Variants in DDX50 observed in about 807,000 individuals in gnomAD.
DDX50 encodes ATP-dependent RNA helicase DDX50.
DDX50 carries 56 observed loss-of-function variants against 94.8 expected under a neutral mutation model. That is an observed-to-expected ratio of 0.59 (90% CI 0.48 to 0.74). The LOEUF is 0.74. Among genes scored for constraint, DDX50 ranks in the 30% least tolerant of loss-of-function variants. DDX50 has a pLI of 0.00. For synonymous variants in DDX50, 264 were observed against 295.4 expected, an observed-to-expected ratio of 0.89 and a Z score of 1.09; for missense variants, 713 against 881.2, an observed-to-expected ratio of 0.81 and a Z score of 2.42.
intron 4 of DDX50, among the ~76,000 whole-genome samples, chr10:68,912,919 AAG>A (rs2132028419): frequency 6.6e-6 from 1 of 152,304 alleles, no homozygotes; most frequent in African/African-American, 2.4e-5. Context: ...AGAAATGATA[AAG>A]AGGGGCAGGG....
chr10:68,923,111 T>TA (rs71474455), intron 8 of DDX50, among the ~76,000 whole-genome samples: 75,053 of 114,280 alleles, frequency 0.66, 25,160 homozygotes, highest in East Asian at 0.86. Context: ...CCCTTTCTCT[T>TA]AAAAAAAAAA....
chr10:68,904,906 T>A (rs1841396994), intron 1 of DDX50, among the ~76,000 whole-genome samples: 1 of 152,262 alleles, frequency 6.6e-6, no homozygotes, highest in South Asian at 2.1e-4. Flanking sequence ...TCCAATTTTA[T>A]GGATGAGAAA....
At chr10:68,931,352 A>C (rs1340991866) in intron 8 of DDX50, among the ~76,000 whole-genome samples, 1 of 143,616 alleles carries the variant, frequency 7.0e-6, no homozygotes, top group Non-Finnish European at 1.5e-5. Context: ...TTGCTCTGTC[A>C]CCCAGGCTGG....
At chr10:68,931,278 G>A (rs1197071371) in intron 8 of DDX50, among the ~76,000 whole-genome samples, 1 of 150,712 alleles carries the variant, frequency 6.6e-6, no homozygotes. Flanking sequence ...GAGTAAATAG[G>A]TGGTCATTGC....
chr10:68,920,560 G>C (rs1183211139), intron 8 of DDX50, among the ~76,000 whole-genome samples: 1 of 152,042 alleles, frequency 6.6e-6, no homozygotes, highest in Non-Finnish European at 1.5e-5. Context: ...GGGTAAGAGA[G>C]GGTAATATTT....
Position 68,941,465 on chromosome 10 carries a change from TTC to T in DDX50, c.1890+275_1890+276del, listed in dbSNP as rs1352112522. Among the ~76,000 whole-genome samples, 8 of 152,254 alleles carry T rather than the reference TTC, an allele frequency of 5.3e-5. 1 individual carries two copies. The highest frequency in any genetic ancestry group is 4.8e-5 in the African/African-American group (2 of 41,544). ...GTATGTGGTTGTGTACATGTGTTTA[TTC>T]TCTTTTTATTTTTTAAATTTTATTT... On this transcript the variant is annotated intron_variant, in intron 13 of 14. Transcript: ENST00000373585.
At position 68,913,165 on chromosome 10, in the gene DDX50, C is replaced by G; in HGVS notation, c.643C>G (p.Leu215Val). 6.2e-7 allele frequency: 1 copy of G among 1,600,378 alleles called. No homozygotes were observed. Among genetic ancestry groups the G allele is most frequent in the Non-Finnish European group, 8.5e-7 (1 of 1,176,686 alleles). Residue 215 changes from leucine to valine, a missense_variant, in exon 5 of 15, where the codon CTT (leucine) becomes GTT (valine). Leu to Val is a conservative substitution (Grantham distance 32). Transcript: ENST00000373585. ...GTTTTTTAAACCTCTTGCTCAGGTA[C>G]TTGTTTTGGCTCCAACAAGGGAACT... ...TIKKSRSPKV[L>V]VLAPTRELAN...
chr10:68,906,927 G>A lies in DDX50; in HGVS notation c.304G>A (p.Asp102Asn). The change falls in exon 2 of 15, where the codon GAT becomes AAT. Residue 102 changes from aspartate to asparagine, a missense_variant. Transcript: ENST00000373585. ...AAAAGATCTACCAAATGGAGATATA[G>A]ATGAATATGAAAAAAAATCAAAGCG... ...RRKDLPNGDIDEYEKKSKRVS... is the reference protein window; with the variant it reads ...RRKDLPNGDINEYEKKSKRVS... 1 of 1,601,598 alleles carries A rather than the reference G, an allele frequency of 6.2e-7. No individual in the cohort carries two copies. Among genetic ancestry groups the A allele is most frequent in the Non-Finnish European group, 8.5e-7 (1 of 1,177,250 alleles).
chr10:68,929,725 C>CTTTTT (rs35522934), intron 8 of DDX50, among the ~76,000 whole-genome samples: 1 of 127,268 alleles, frequency 7.9e-6, no homozygotes, highest in Non-Finnish European at 1.7e-5. Flanking sequence ...CGCCTGGCCT[C>CTTTTT]TTTTTTTTTT....
At chr10:68,905,157 C>T (rs528624183) in intron 1 of DDX50, among the ~76,000 whole-genome samples, 2 of 152,254 alleles carry the variant, frequency 1.3e-5, no homozygotes, top group African/African-American at 4.8e-5. Flanking sequence ...CTCAGGTGAT[C>T]CGCCCAACCT....
rs566025798 is a variant in DDX50 at position 68,946,817 on chromosome 10, TA to T, written c.*194del. On this transcript the variant is annotated 3_prime_UTR_variant, in exon 15 of 15. Transcript: ENST00000373585. ...CTACTTATCCAGTTATACCTTTGAA[TA>T]AAAAAACCTCCTTTTATTGTCTCTT... The T allele has an allele frequency of 8.8e-6, 6 of 680,810 alleles. No individual in the cohort carries two copies. In the Admixed American group the frequency reaches 1.7e-4, roughly 20 times the overall value. 42.2% of individuals were successfully genotyped at this position (680,810 alleles called of 1,614,324 possible). A position where few individuals can be genotyped will look rare whatever the true frequency, so the allele number is the denominator to read the frequency against.
chr10:68,927,911 A>C (rs893143290), intron 8 of DDX50, among the ~76,000 whole-genome samples: 1 of 152,182 alleles, frequency 6.6e-6, no homozygotes, highest in Admixed American at 6.5e-5. Flanking sequence ...AATTCTAGCT[A>C]CTCAGGAGAC....
intron 8 of DDX50, among the ~76,000 whole-genome samples, chr10:68,923,605 A>G (rs541813292): frequency 6.7e-6 from 1 of 149,300 alleles, no homozygotes; most frequent in African/African-American, 2.5e-5. Flanking sequence ...TGCAGTGGCA[A>G]GATCCCGGCT....
chr10:68,917,486 T>G (rs1841829846), intron 7 of DDX50, among the ~76,000 whole-genome samples: 1 of 152,180 alleles, frequency 6.6e-6, no homozygotes, highest in Non-Finnish European at 1.5e-5. Context: ...CTCATTTGCC[T>G]TATGAGTTTC....
intron 14 of DDX50, among the ~76,000 whole-genome samples, chr10:68,944,747 A>G (rs1205729267): frequency 6.6e-6 from 1 of 152,082 alleles, no homozygotes; most frequent in Admixed American, 6.6e-5. Context: ...GGGTTTCACC[A>G]TGTTGGCCAG....
At chr10:68,938,639 T>C (rs1263236404) in intron 12 of DDX50, among the ~76,000 whole-genome samples, 1 of 152,222 alleles carries the variant, frequency 6.6e-6, no homozygotes, top group Non-Finnish European at 1.5e-5. Context: ...TTATTTGGTG[T>C]AGCACAAATG....
At chr10:68,929,092 G>A (rs1393684785) in intron 8 of DDX50, among the ~76,000 whole-genome samples, 1 of 151,996 alleles carries the variant, frequency 6.6e-6, no homozygotes, top group Non-Finnish European at 1.5e-5. Context: ...TATTACAGGC[G>A]TGTGCCACCA....
chr10:68,943,046 G>A (rs117601734), intron 13 of DDX50, among the ~76,000 whole-genome samples, 167 bp from the exon 14 acceptor site: 2 of 152,288 alleles, frequency 1.3e-5, no homozygotes, highest in East Asian at 3.9e-4. Context: ...AGAGAATACT[G>A]TAGATTCTTA....
intron 7 of DDX50, among the ~76,000 whole-genome samples, chr10:68,915,294 T>C (rs906447205): frequency 2.0e-5 from 3 of 151,648 alleles, no homozygotes; most frequent in African/African-American, 7.3e-5. Flanking sequence ...GCGCCTGTAG[T>C]TCCAGCTACT....
Sources: allele counts gnomAD v4.1 joint callset (sites outside exome capture counted in the v4.1 genomes callset), GRCh38; gene constraint gnomAD v4.1.1; transcripts MANE v1.5; gene names NCBI Gene and HGNC (gene_info 2026-07-23, HGNC 2026-07-21).